GRIN2B: variants seen among roughly 807,000 people sequenced by gnomAD.
The protein encoded by GRIN2B is glutamate ionotropic receptor NMDA type subunit 2B, also known as glutamate receptor ionotropic, NMDA 2B.
Under a neutral mutation model 114.5 loss-of-function variants are expected in GRIN2B, and 5 were observed. The observed-to-expected ratio is 0.04, with a 90% CI of 0.02 to 0.09. GRIN2B has a LOEUF of 0.09. Ranked by LOEUF, GRIN2B falls within the 10% of genes least tolerant of loss-of-function variation. The pLI, the probability that GRIN2B is intolerant of heterozygous loss-of-function variation, is 1.00. For synonymous variants in GRIN2B, 787 were observed against 745.1 expected, an observed-to-expected ratio of 1.06 and a Z score of -0.92; for missense variants, 1,108 against 1,943.5, an observed-to-expected ratio of 0.57 and a Z score of 8.08.
intron 5 of GRIN2B, among the ~76,000 whole-genome samples, chr12:13,669,007 G>C (rs1950000664): frequency 6.9e-6 from 1 of 144,138 alleles, no homozygotes; most frequent in African/African-American, 2.6e-5. Context: ...GAGGGGAGGT[G>C]GGGAGGGGAG....
At chr12:13,925,178 A>C (rs1866892877) in intron 2 of GRIN2B, among the ~76,000 whole-genome samples, 1 of 152,226 alleles carries the variant, frequency 6.6e-6, no homozygotes, top group African/African-American at 2.4e-5. Flanking sequence ...ACCTCCACTT[A>C]GCCTGACTTC....
chr12:13,546,652 C>T lies in GRIN2B; in HGVS notation c.*16131G>A, dbSNP rs1948347219. On this transcript the variant is annotated 3_prime_UTR_variant, in exon 14 of 14. Transcript: ENST00000609686. ...TCTGTTTCTCATTCCAATAGACACA[C>T]AATATTAATGGTTAAAAATAACATG... is the stretch of plus-strand genomic sequence containing the variant. The T allele has an allele frequency of 1.3e-5, 2 of 152,102 alleles. No individual in the cohort carries two copies. Among genetic ancestry groups the T allele is most frequent in the African/African-American group, 4.8e-5 (2 of 41,390 alleles). The allele number at this position is 152,102 out of a possible 1,614,324, so 9.4% of individuals were successfully genotyped here. A position where few individuals can be genotyped will look rare whatever the true frequency, so the allele number is the denominator to read the frequency against.
intron 2 of GRIN2B, among the ~76,000 whole-genome samples, chr12:13,932,242 C>T (rs219888): frequency 0.75 from 114,460 of 152,104 alleles, 44,043 homozygotes; most frequent in Non-Finnish European, 0.86. Flanking sequence ...TCTCTAGTGG[C>T]CCACTCTCTT....
intron 4 of GRIN2B, among the ~76,000 whole-genome samples, chr12:13,746,171 C>T (rs1035286365): frequency 6.6e-6 from 1 of 152,154 alleles, no homozygotes; most frequent in Non-Finnish European, 1.5e-5. Context: ...GAATGTCTCT[C>T]GAGGACATTT....
At position 13,539,497 on chromosome 12, in the gene GRIN2B, C is replaced by T. The variant is rs1189348801; in HGVS notation, c.*23286G>A. 1 of 152,172 alleles carries T rather than the reference C, an allele frequency of 6.6e-6. No homozygotes were observed. Among genetic ancestry groups the T allele is most frequent in the African/African-American group, 2.4e-5 (1 of 41,430 alleles). The allele number at this position is 152,172 out of a possible 1,614,324, so 9.4% of individuals were successfully genotyped here. ...GCAATCAAGGTATAGAAAGAGAGAT[C>T]ATTTAGAATCCATATATAAAGCCAG... On this transcript the variant is annotated 3_prime_UTR_variant, in exon 14 of 14. Coordinates refer to ENST00000609686, the MANE Select transcript of GRIN2B (RefSeq NM_000834.5).
chr12:13,804,899 A>C (rs1015106537), intron 3 of GRIN2B, among the ~76,000 whole-genome samples: 1 of 152,122 alleles, frequency 6.6e-6, no homozygotes, highest in Non-Finnish European at 1.5e-5. Context: ...TAGTGTGCAC[A>C]GTGGCATCTT....
At chr12:13,782,299 T>A (rs555949746) in intron 3 of GRIN2B, among the ~76,000 whole-genome samples, 52 of 150,254 alleles carry the variant, frequency 3.5e-4, no homozygotes, top group African/African-American at 8.9e-4. Context: ...ACACACACAC[T>A]CTCTCTCTCT....
At chr12:13,651,820 G>A (rs541550515) in intron 5 of GRIN2B, among the ~76,000 whole-genome samples, 14 of 152,178 alleles carry the variant, frequency 9.2e-5, no homozygotes, top group Admixed American at 4.6e-4. Flanking sequence ...TCTCTGACTT[G>A]ATATTTGCGT....
At chr12:13,914,903 C>T (rs1866686923) in intron 2 of GRIN2B, among the ~76,000 whole-genome samples, 1 of 151,886 alleles carries the variant, frequency 6.6e-6, no homozygotes, top group African/African-American at 2.4e-5. Context: ...TTATCTATTA[C>T]CAGAGGCCAG....
rs577835569 is a variant in GRIN2B at position 13,706,709 on chromosome 12, C to T, written c.1011-30850G>A. ...CCTGCCCTAGGAAGATTTTTTGAAT[C>T]TCCTAAACTGGAATGTCAGAACTGT... On this transcript the variant is annotated intron_variant, in intron 4 of 13. Coordinates refer to ENST00000609686, the MANE Select transcript of GRIN2B (RefSeq NM_000834.5). Among the ~76,000 whole-genome samples, 180 of 152,238 alleles carry T rather than the reference C, an allele frequency of 1.2e-3. 2 individuals carry two copies. The highest frequency in any genetic ancestry group is 6.4e-3 in the South Asian group (31 of 4,822).
At chr12:13,763,142 C>A (rs1483084348) in intron 3 of GRIN2B, among the ~76,000 whole-genome samples, 1 of 151,932 alleles carries the variant, frequency 6.6e-6, no homozygotes. Flanking sequence ...AATCTTCCAA[C>A]AACTTGTCAG....
intron 3 of GRIN2B, among the ~76,000 whole-genome samples, chr12:13,777,592 C>G (rs1474815895): frequency 2.0e-5 from 3 of 152,150 alleles, no homozygotes; most frequent in Non-Finnish European, 4.4e-5. Context: ...GATTCAAGGC[C>G]CCTAAACAAG....
intron 3 of GRIN2B, among the ~76,000 whole-genome samples, chr12:13,789,051 G>A (rs1405177396): frequency 6.7e-6 from 1 of 148,568 alleles, no homozygotes; most frequent in Non-Finnish European, 1.5e-5. Context: ...CTTGCCAAAG[G>A]CTTCTTAAAG....
chr12:13,689,185 C>T (rs1266883813), intron 4 of GRIN2B, among the ~76,000 whole-genome samples: 1 of 152,154 alleles, frequency 6.6e-6, no homozygotes, highest in Non-Finnish European at 1.5e-5. Context: ...CCTCTTATTC[C>T]CCATTTCCAT....
intron 2 of GRIN2B, among the ~76,000 whole-genome samples, chr12:13,932,952 CG>C (rs1157287060): frequency 2.7e-5 from 4 of 148,698 alleles, no homozygotes; most frequent in African/African-American, 7.5e-5. Flanking sequence ...AGGGCTTTGT[CG>C]TGTGTGTGTG....
chr12:13,599,319 A>C (rs1212795085), intron 10 of GRIN2B, among the ~76,000 whole-genome samples: 2 of 152,146 alleles, frequency 1.3e-5, no homozygotes, highest in Non-Finnish European at 2.9e-5. Flanking sequence ...AAAATATAGC[A>C]GGCTGCACAC....
Position 13,781,336 on chromosome 12 carries a change from T to C in GRIN2B, c.412-27421A>G, listed in dbSNP as rs180871333. On this transcript the variant is annotated intron_variant, in intron 3 of 13. Coordinates refer to ENST00000609686, the MANE Select transcript of GRIN2B (RefSeq NM_000834.5). ...CTTCATAAAGAACACATGAGAATGT[T>C]TGGCTTACTTTGGATATTAGATTAT... 1.1e-3 allele frequency among the ~76,000 whole-genome samples: 160 copies of C among 152,334 alleles called. 4 individuals carry two copies. In the South Asian group the frequency reaches 0.032, roughly 30 times the overall value.
chr12:13,724,307 A>G (rs1862937557), intron 4 of GRIN2B, among the ~76,000 whole-genome samples: 3 of 152,176 alleles, frequency 2.0e-5, no homozygotes, highest in South Asian at 4.1e-4. Context: ...AGGAATTGCA[A>G]TGGAAAGGCC....
intron 10 of GRIN2B, among the ~76,000 whole-genome samples, chr12:13,575,227 G>A (rs1948759834): frequency 6.6e-6 from 1 of 152,106 alleles, no homozygotes; most frequent in Non-Finnish European, 1.5e-5. Context: ...AGAACTTTTT[G>A]AAAGATGCAG....
Sources: allele counts gnomAD v4.1 joint callset (sites outside exome capture counted in the v4.1 genomes callset), GRCh38; gene constraint gnomAD v4.1.1; transcripts MANE v1.5; gene names NCBI Gene and HGNC (gene_info 2026-07-23, HGNC 2026-07-21).